The following GRIA3 variants were observed in gnomAD, a reference collection of about 807,000 sequenced individuals.
The protein encoded by GRIA3 is glutamate ionotropic receptor AMPA type subunit 3.
GRIA3 carries 3 observed loss-of-function variants against 63.0 expected under a neutral mutation model. The observed-to-expected ratio is 0.05, with a 90% CI of 0.02 to 0.12. The LOEUF (loss-of-function observed/expected upper bound fraction) is 0.12. Among genes scored for constraint, GRIA3 ranks in the 10% least tolerant of loss-of-function variants. The pLI, the probability that GRIA3 is intolerant of heterozygous loss-of-function variation, is 1.00. For synonymous variants in GRIA3, 274 were observed against 257.9 expected (o/e 1.06, Z -0.60); for missense variants, 347 against 700.9 (o/e 0.50, Z 5.70).
intron 2 of GRIA3, among the ~76,000 whole-genome samples, chrX:123,233,763 T>G (rs2044287897): frequency 8.9e-6 from 1 of 111,842 alleles, no homozygotes; most frequent in East Asian, 2.8e-4. Flanking sequence ...GCTTAAGATC[T>G]AGAAATGAAA....
chrX:123,342,714 C>A (rs1293170987), intron 4 of GRIA3, among the ~76,000 whole-genome samples: 1 of 111,652 alleles, frequency 9.0e-6, no homozygotes, highest in Non-Finnish European at 1.9e-5. Flanking sequence ...GATAGGGAAT[C>A]GAAAATTGGA....
intron 2 of GRIA3, among the ~76,000 whole-genome samples, chrX:123,239,072 C>T (rs781717854): frequency 1.8e-5 from 2 of 110,996 alleles, no homozygotes; most frequent in Non-Finnish European, 3.8e-5. Context: ...ACATACACAT[C>T]TGATCAAAAC....
At chrX:123,487,935 C>T (rs907270708) in intron 15 of GRIA3, among the ~76,000 whole-genome samples, 8 of 111,686 alleles carry the variant, frequency 7.2e-5, no homozygotes, top group Non-Finnish European at 1.5e-4. Context: ...GGATAAAATT[C>T]GGTGTTAGCT....
chrX:123,345,439 A>AC (rs2045039844), intron 4 of GRIA3, among the ~76,000 whole-genome samples: 1 of 65,905 alleles, frequency 1.5e-5, no homozygotes, highest in Non-Finnish European at 2.7e-5. Flanking sequence ...CCCCCTTCAC[A>AC]ACACACACAC....
chrX:123,239,946 A>G lies in GRIA3; in HGVS notation c.269-13357A>G, dbSNP rs753496971. 4.9e-4 allele frequency among the ~76,000 whole-genome samples: 55 copies of G among 112,164 alleles called. 1 individual carries two copies. The highest frequency in any genetic ancestry group is 1.6e-3 in the African/African-American group (51 of 30,914). ...CTTTCTCTCACTGGTGCCCTTGTTAAAAAGCTGGATCTTTTTCTAGATTAG... is the reference window on the plus strand; with the variant it reads ...CTTTCTCTCACTGGTGCCCTTGTTAGAAAGCTGGATCTTTTTCTAGATTAG... On this transcript the variant is annotated intron_variant, in intron 2 of 15. Coordinates refer to ENST00000620443, the MANE Select transcript of GRIA3 (RefSeq NM_007325.5).
chrX:123,463,436 G>T (rs2045804853), intron 12 of GRIA3, among the ~76,000 whole-genome samples: 1 of 105,181 alleles, frequency 9.5e-6, no homozygotes, highest in Non-Finnish European at 1.9e-5. Context: ...TGTAGTCCCA[G>T]GTATTCAGGA....
intron 5 of GRIA3, among the ~76,000 whole-genome samples, chrX:123,366,972 G>A (rs183743910): frequency 1.8e-5 from 2 of 111,840 alleles, no homozygotes; most frequent in Admixed American, 9.5e-5. Context: ...TGTGGTAAAT[G>A]TCATCCTTTT....
At chrX:123,194,868 G>C (rs1376990500) in intron 2 of GRIA3, among the ~76,000 whole-genome samples, 1 of 112,338 alleles carries the variant, frequency 8.9e-6, no homozygotes, top group Non-Finnish European at 1.9e-5. Context: ...TGTAACTGAG[G>C]TGCTATTGGC....
intron 4 of GRIA3, among the ~76,000 whole-genome samples, chrX:123,333,596 T>C (rs991059868): frequency 1.3e-4 from 15 of 112,072 alleles, no homozygotes; most frequent in African/African-American, 4.5e-4. Context: ...TAAATGCTGA[T>C]AGAATGAAAG....
At chrX:123,350,280 A>G (rs1185709416) in intron 4 of GRIA3, among the ~76,000 whole-genome samples, 1 of 106,714 alleles carries the variant, frequency 9.4e-6, no homozygotes, top group East Asian at 3.0e-4. Flanking sequence ...AGCAAGATCA[A>G]TCTTTATACA....
At chrX:123,337,536 C>T (rs775723178) in intron 4 of GRIA3, among the ~76,000 whole-genome samples, 45 of 111,598 alleles carry the variant, frequency 4.0e-4, no homozygotes, top group East Asian at 1.4e-3. Flanking sequence ...ACTAGGTGAA[C>T]GGATTTGCAA....
intron 3 of GRIA3, among the ~76,000 whole-genome samples, chrX:123,300,791 C>T (rs1315060928): frequency 9.1e-6 from 1 of 109,730 alleles, no homozygotes; most frequent in Non-Finnish European, 1.9e-5. Context: ...TCTAACTTTT[C>T]GAGATGGGCA....
intron 3 of GRIA3, among the ~76,000 whole-genome samples, chrX:123,288,318 AG>A (rs2044633970): frequency 8.9e-6 from 1 of 112,687 alleles, no homozygotes; most frequent in African/African-American, 3.2e-5. Context: ...AAACCCTAGA[AG>A]AAAACCTAGG....
At chrX:123,360,678 G>A (rs7049313) in intron 5 of GRIA3, among the ~76,000 whole-genome samples, 33,762 of 87,284 alleles carry the variant, frequency 0.39, 6,062 homozygotes, top group Middle Eastern at 0.52. Context: ...CCTGGGTGAC[G>A]GAGCAAGACT....
At chrX:123,470,474 T>G (rs1418007312) in intron 13 of GRIA3, among the ~76,000 whole-genome samples, 1 of 111,987 alleles carries the variant, frequency 8.9e-6, no homozygotes, top group East Asian at 2.8e-4. Flanking sequence ...AAAAAGAGTT[T>G]GTTCTCTGAA....
chrX:123,419,694 A>AT (rs749940397), intron 11 of GRIA3, among the ~76,000 whole-genome samples: 17 of 110,990 alleles, frequency 1.5e-4, no homozygotes, highest in Non-Finnish European at 2.8e-4. Context: ...TTATGCATTA[A>AT]TTTTTTAAAT....
chrX:123,363,117 C>T (rs754458208), intron 5 of GRIA3, among the ~76,000 whole-genome samples: 1 of 112,580 alleles, frequency 8.9e-6, no homozygotes, highest in South Asian at 3.7e-4. Flanking sequence ...ACTGAAGCAT[C>T]ACCCAGATGA....
chrX:123,255,817 G>A (rs1035376127), intron 3 of GRIA3, among the ~76,000 whole-genome samples: 7 of 110,258 alleles, frequency 6.3e-5, no homozygotes, highest in Non-Finnish European at 3.8e-5. Flanking sequence ...TGCTTAAGAA[G>A]TACTTCCCAT....
At chrX:123,488,092 G>A (rs1211985430) in intron 15 of GRIA3, among the ~76,000 whole-genome samples, 2 of 111,923 alleles carry the variant, frequency 1.8e-5, no homozygotes, top group East Asian at 5.6e-4. Context: ...CCAAAAAGAA[G>A]ACACTATCAG....
Sources: gnomAD v4.1 joint callset for allele counts (sites outside exome capture counted in the v4.1 genomes callset) on GRCh38, gnomAD v4.1.1 for gene constraint, MANE v1.5 for transcripts, NCBI Gene and HGNC (gene_info 2026-07-23, HGNC 2026-07-21) for gene names.